Variants in TRIO observed in about 807,000 individuals in gnomAD.
The protein encoded by TRIO is trio Rho guanine nucleotide exchange factor, also known as triple functional domain protein.
TRIO carries 58 observed loss-of-function variants against 351.9 expected under a neutral mutation model. The ratio of observed to expected loss-of-function variants is 0.16; its 90% CI spans 0.13 to 0.21. The LOEUF (loss-of-function observed/expected upper bound fraction) is 0.21, where lower values mean the gene tolerates loss of function less well. Ranked by LOEUF, TRIO falls within the 10% of genes least tolerant of loss-of-function variation. The probability of loss-of-function intolerance (pLI) is 1.00; values close to 1 mark genes in which losing one functional copy is unlikely to be tolerated. For missense variants in TRIO, 3,201 were observed against 4,027.8 expected, an observed-to-expected ratio of 0.79 and a Z score of 5.56; for synonymous variants, 1,758 against 1,595.7, an observed-to-expected ratio of 1.10 and a Z score of -2.42.
At chr5:14,162,160 C>T (rs1261290392) in intron 1 of TRIO, among the ~76,000 whole-genome samples, 1 of 152,162 alleles carries the variant, frequency 6.6e-6, no homozygotes, top group Non-Finnish European at 1.5e-5. Flanking sequence ...ATTCACATAT[C>T]TGGAGAGAGT....
At chr5:14,197,739 G>GT (rs1037691179) in intron 1 of TRIO, among the ~76,000 whole-genome samples, 5 of 152,194 alleles carry the variant, frequency 3.3e-5, no homozygotes, top group Non-Finnish European at 5.9e-5. Context: ...ATCAGCATTT[G>GT]TTTTTTGCAC....
intron 29 of TRIO, chr5:14,397,441 A>T: frequency 3.1e-6 from 1 of 320,796 alleles, no homozygotes; most frequent in South Asian, 4.1e-5. Context: ...TCCCTGTTAG[A>T]TGGATGGGTA....
intron 1 of TRIO, among the ~76,000 whole-genome samples, chr5:14,259,873 G>C (rs1795242924): frequency 6.6e-6 from 1 of 151,916 alleles, no homozygotes; most frequent in South Asian, 2.1e-4. Context: ...GGCCTCTGCA[G>C]GTCAATAAAC....
At chr5:14,374,407 C>T in intron 19 of TRIO, 64 bp downstream of exon 19, 1 of 1,286,432 alleles carries the variant, frequency 7.8e-7, no homozygotes, top group South Asian at 1.3e-5. Context: ...CAAAAGGAGC[C>T]TGCACGTTGT....
intron 1 of TRIO, among the ~76,000 whole-genome samples, chr5:14,171,268 AAT>A (rs1789082659): frequency 6.6e-6 from 1 of 152,238 alleles, no homozygotes; most frequent in African/African-American, 2.4e-5. Flanking sequence ...AATATTTTAT[AAT>A]AGTTTGCCAA....
chr5:14,275,693 C>A (rs1301063005), intron 2 of TRIO, among the ~76,000 whole-genome samples: 3 of 150,896 alleles, frequency 2.0e-5, no homozygotes, highest in African/African-American at 7.3e-5. Flanking sequence ...TAATAGGCCT[C>A]ATTTTCTATC....
intron 33 of TRIO, among the ~76,000 whole-genome samples, chr5:14,410,629 G>T (rs1225680001): frequency 6.6e-6 from 1 of 152,210 alleles, no homozygotes; most frequent in Non-Finnish European, 1.5e-5. Context: ...TTAGTTAGTT[G>T]TTATCATGGA....
chr5:14,302,581 T>C (rs1737995489), intron 7 of TRIO, among the ~76,000 whole-genome samples: 2 of 152,234 alleles, frequency 1.3e-5, no homozygotes, highest in Admixed American at 1.3e-4. Context: ...ATGAACTGGC[T>C]TCAAGCCGTA....
intron 10 of TRIO, among the ~76,000 whole-genome samples, chr5:14,334,681 G>T (rs1448239173): frequency 6.6e-6 from 1 of 152,226 alleles, no homozygotes; most frequent in Non-Finnish European, 1.5e-5. Context: ...GCTTCATTCA[G>T]CATGGAGGCC....
Position 14,330,875 on chromosome 5 carries a change from A to G in TRIO, c.1829A>G (p.His610Arg), listed in dbSNP as rs1298070926. 2 of 1,614,164 alleles carry G rather than the reference A, an allele frequency of 1.2e-6. No individual in the cohort carries two copies. The highest frequency in any genetic ancestry group is 1.1e-5 in the South Asian group (1 of 91,086). ...CGGGCCAGAGCATTGCAGAAACGTC[A>G]TGAAGATTTTGAAGAAGTGGCACAG... The part of the protein sequence containing the change: ...LHRARALQKR[H>R]EDFEEVAQNT... Residue 610 changes from histidine to arginine, a missense_variant, in exon 10 of 57, where the codon CAT becomes CGT. This residue lies in a region of TRIO where 38 missense variants were observed against 93.4 expected (regional missense o/e 0.41). Transcript: ENST00000344204.
At chr5:14,247,131 TG>T in intron 1 of TRIO, among the ~76,000 whole-genome samples, 1 of 152,364 alleles carries the variant, frequency 6.6e-6, no homozygotes, top group Middle Eastern at 3.4e-3. Flanking sequence ...TGTGCAGGCC[TG>T]GTGGCCCCTC....
chr5:14,295,071 C>T (rs1309368844), intron 6 of TRIO, among the ~76,000 whole-genome samples: 2 of 152,234 alleles, frequency 1.3e-5, no homozygotes, highest in East Asian at 3.9e-4. Flanking sequence ...AGGCCTGCTC[C>T]TTGTGTTGAA....
intron 9 of TRIO, among the ~76,000 whole-genome samples, chr5:14,324,838 C>T (rs554386683): frequency 6.6e-6 from 1 of 152,314 alleles, no homozygotes; most frequent in Admixed American, 6.5e-5. Flanking sequence ...ACAGCCCCCC[C>T]ATAATCAAAT....
intron 1 of TRIO, among the ~76,000 whole-genome samples, chr5:14,259,117 C>T (rs548899853): frequency 5.7e-4 from 87 of 152,218 alleles, no homozygotes; most frequent in Non-Finnish European, 1.1e-3. Context: ...CTGGAGGGTC[C>T]TCACGCCTCC....
Position 14,508,211 on chromosome 5 carries a change from G to A in TRIO, c.9083G>A (p.Cys3028Tyr). Residue 3028 changes from cysteine (C) to tyrosine (Y), a missense_variant, in exon 57 of 57, where the codon TGC becomes TAC. Cys to Tyr is a radical substitution (Grantham distance 194). Transcript: ENST00000344204. ...GVSQKAKEFV[C>Y]FLLQEDPAKR... ...AGCCAGAAGGCCAAGGAGTTCGTGT[G>A]CTTCCTCCTGCAGGAGGACCCCGCC... 2 of 1,614,066 alleles carry A rather than the reference G, an allele frequency of 1.2e-6. No individual in the cohort carries two copies. The highest frequency in any genetic ancestry group is 8.5e-7 in the Non-Finnish European group (1 of 1,180,022).
rs1172816993 is a variant in TRIO at position 14,488,280 on chromosome 5, C to G, written c.7632+20C>G. 4 of 1,531,806 alleles carry G rather than the reference C, an allele frequency of 2.6e-6. No individual in the cohort carries two copies. The highest frequency in any genetic ancestry group is 2.4e-5 in the South Asian group (2 of 84,268). 94.9% of individuals were successfully genotyped at this position (1,531,806 alleles called of 1,614,324 possible). A position where few individuals can be genotyped will look rare whatever the true frequency, so the allele number is the denominator to read the frequency against. On this transcript the variant is annotated intron_variant, in intron 48 of 56. Transcript: ENST00000344204. The stretch of plus-strand genomic sequence containing the variant: ...AACGGGGTAAGCGCGTCGGGGGGCC[C>G]GCGCCCTCCCGCCCCCCTGCCTCTG...
intron 1 of TRIO, among the ~76,000 whole-genome samples, chr5:14,177,854 C>G (rs963774976): frequency 2.6e-5 from 4 of 152,222 alleles, no homozygotes; most frequent in African/African-American, 9.6e-5. Context: ...GGAATTTTCA[C>G]AGGCCCATTA....
At chr5:14,409,368 A>T (rs1353582461) in intron 33 of TRIO, among the ~76,000 whole-genome samples, 1 of 148,990 alleles carries the variant, frequency 6.7e-6, no homozygotes, top group African/African-American at 2.5e-5. Flanking sequence ...CCAGAACAGT[A>T]TAGGTTTGCC....
intron 34 of TRIO, among the ~76,000 whole-genome samples, chr5:14,430,715 T>TTTTA (rs1464000543): frequency 6.0e-5 from 9 of 151,116 alleles, no homozygotes; most frequent in Admixed American, 4.6e-4. Context: ...TTTTATTTTA[T>TTTTA]TTTATTTATT....
Sources: allele counts gnomAD v4.1 joint callset (sites outside exome capture counted in the v4.1 genomes callset), GRCh38; gene constraint gnomAD v4.1.1; regional missense constraint gnomAD v4.1.1; transcripts MANE v1.5; gene names NCBI Gene and HGNC (gene_info 2026-07-23, HGNC 2026-07-21).